ADGRB3: variants seen among roughly 807,000 people sequenced by gnomAD.
ADGRB3 encodes brain-specific angiogenesis inhibitor 3.
ADGRB3 carries 37 observed loss-of-function variants against 193.4 expected under a neutral mutation model. That is an observed-to-expected ratio of 0.19 (90% CI 0.15 to 0.25). The LOEUF is 0.25. Ranked by LOEUF, ADGRB3 falls within the 10% of genes least tolerant of loss-of-function variation. The probability of loss-of-function intolerance (pLI) is 1.00; values close to 1 mark genes in which losing one functional copy is unlikely to be tolerated. For synonymous variants in ADGRB3, 690 were observed against 644.2 expected (o/e 1.07, Z -1.08); for missense variants, 1,637 against 1,852.9 (o/e 0.88, Z 2.14).
intron 17 of ADGRB3, among the ~76,000 whole-genome samples, chr6:69,162,670 A>G (rs896979192): frequency 3.9e-5 from 6 of 152,140 alleles, no homozygotes; most frequent in African/African-American, 1.4e-4. Context: ...AGCATACAAA[A>G]TGATGCAACA....
At chr6:68,660,432 A>G (rs554127644) in intron 3 of ADGRB3, among the ~76,000 whole-genome samples, 1 of 150,870 alleles carries the variant, frequency 6.6e-6, no homozygotes, top group East Asian at 1.9e-4. Flanking sequence ...TACTTTTCTA[A>G]GTTAATTTTA....
intron 3 of ADGRB3, among the ~76,000 whole-genome samples, chr6:68,790,119 T>C (rs893429080): frequency 1.4e-4 from 22 of 152,164 alleles, no homozygotes; most frequent in African/African-American, 5.3e-4. Context: ...TAGCTCAGAG[T>C]AGTTTGATCA....
At chr6:69,123,605 G>T (rs1220399895) in intron 17 of ADGRB3, among the ~76,000 whole-genome samples, 1 of 152,094 alleles carries the variant, frequency 6.6e-6, no homozygotes, top group African/African-American at 2.4e-5. Flanking sequence ...GGAGAGAAAC[G>T]TATCAATAAT....
At chr6:69,040,938 T>C (rs1352346466) in intron 13 of ADGRB3, among the ~76,000 whole-genome samples, 2 of 152,162 alleles carry the variant, frequency 1.3e-5, no homozygotes, top group African/African-American at 4.8e-5. Flanking sequence ...TCTTTAAAAA[T>C]TAAGTATAAA....
intron 17 of ADGRB3, among the ~76,000 whole-genome samples, chr6:69,080,861 G>A (rs190999928): frequency 1.4e-4 from 21 of 151,994 alleles, no homozygotes; most frequent in African/African-American, 4.3e-4. Context: ...TATTACAGTC[G>A]ATACTTTAGT....
chr6:68,738,579 G>A (rs1003596268), intron 3 of ADGRB3, among the ~76,000 whole-genome samples: 2 of 152,088 alleles, frequency 1.3e-5, no homozygotes, highest in Non-Finnish European at 2.9e-5. Context: ...TTTGAGTCTG[G>A]CTATGTTTTG....
At chr6:68,826,165 T>A (rs1767840396) in intron 3 of ADGRB3, among the ~76,000 whole-genome samples, 1 of 152,108 alleles carries the variant, frequency 6.6e-6, no homozygotes, top group Non-Finnish European at 1.5e-5. Context: ...TCCATTTTAG[T>A]AGGGGCAAGA....
intron 3 of ADGRB3, among the ~76,000 whole-genome samples, chr6:68,673,592 A>G (rs528272885): frequency 6.6e-6 from 1 of 152,266 alleles, no homozygotes; most frequent in Non-Finnish European, 1.5e-5. Context: ...AGGGCAAAAG[A>G]TAAAACCTTA....
At chr6:69,298,335 C>CTT (rs965114218) in intron 20 of ADGRB3, among the ~76,000 whole-genome samples, 15 of 151,854 alleles carry the variant, frequency 9.9e-5, no homozygotes, top group African/African-American at 3.1e-4. Context: ...CTTCTTTATT[C>CTT]TTTTTTTAAG....
At chr6:68,644,874 C>T (rs560387837) in intron 3 of ADGRB3, among the ~76,000 whole-genome samples, 3 of 152,158 alleles carry the variant, frequency 2.0e-5, no homozygotes, top group East Asian at 3.9e-4. Context: ...ACACATGTGC[C>T]AACATATGTG....
chr6:69,272,340 T>G (rs1303418002), intron 20 of ADGRB3, among the ~76,000 whole-genome samples: 1 of 152,168 alleles, frequency 6.6e-6, no homozygotes, highest in Non-Finnish European at 1.5e-5. Flanking sequence ...GAATGCAGTG[T>G]CGTGGTTATT....
chr6:69,182,118 C>T (rs1201212596), intron 17 of ADGRB3, among the ~76,000 whole-genome samples: 2 of 152,078 alleles, frequency 1.3e-5, no homozygotes, highest in Non-Finnish European at 2.9e-5. Context: ...GAAGGATGCA[C>T]AGGCACACAG....
intron 10 of ADGRB3, among the ~76,000 whole-genome samples, chr6:68,986,860 A>G (rs1769091125): frequency 6.6e-6 from 1 of 152,102 alleles, no homozygotes; most frequent in East Asian, 1.9e-4. Flanking sequence ...CCTTTTTTTA[A>G]TATTCACACA....
At chr6:68,641,665 A>C (rs929372269) in intron 3 of ADGRB3, among the ~76,000 whole-genome samples, 3 of 152,166 alleles carry the variant, frequency 2.0e-5, no homozygotes, top group Non-Finnish European at 4.4e-5. Flanking sequence ...AAGGATAAGT[A>C]ATTACTGATG....
At chr6:69,361,630 A>C (rs1035509325) in intron 29 of ADGRB3, 118 bp downstream of exon 29, 2 of 1,237,662 alleles carry the variant, frequency 1.6e-6, no homozygotes, top group Admixed American at 2.7e-5. Flanking sequence ...GAGAAGATTC[A>C]CATTAGCTTT....
intron 26 of ADGRB3, among the ~76,000 whole-genome samples, chr6:69,345,852 A>G (rs879370212): frequency 6.6e-6 from 1 of 152,232 alleles, no homozygotes; most frequent in Non-Finnish European, 1.5e-5. Context: ...ATATTTAGAA[A>G]ACCCTGCAGT....
intron 3 of ADGRB3, among the ~76,000 whole-genome samples, chr6:68,911,884 T>G (rs1766723406): frequency 6.6e-6 from 1 of 152,050 alleles, no homozygotes; most frequent in Admixed American, 6.5e-5. Flanking sequence ...TTTCTGTTTT[T>G]TTTTTTAATG....
chr6:69,014,379 T>C (rs577914344), intron 12 of ADGRB3, among the ~76,000 whole-genome samples: 42 of 152,078 alleles, frequency 2.8e-4, no homozygotes, highest in Non-Finnish European at 5.9e-4. Context: ...AAGTTCCTTT[T>C]TTTTTTCTGT....
At chr6:68,980,286 G>T (rs1768870003) in intron 10 of ADGRB3, among the ~76,000 whole-genome samples, 1 of 151,294 alleles carries the variant, frequency 6.6e-6, no homozygotes. Flanking sequence ...CCCATTTAAG[G>T]ACTTTATTTC....
Sources: allele counts gnomAD v4.1 joint callset (sites outside exome capture counted in the v4.1 genomes callset), GRCh38; gene constraint gnomAD v4.1.1; transcripts MANE v1.5; gene names NCBI Gene and HGNC (gene_info 2026-07-23, HGNC 2026-07-21).